CATSPERG: variants seen among roughly 807,000 people sequenced by gnomAD.
CATSPERG encodes the protein cation channel sperm-associated auxiliary subunit gamma.
In CATSPERG, 115 loss-of-function variants were observed where a neutral mutation model predicts 145.0. That is an observed-to-expected ratio of 0.79 (90% confidence interval 0.68 to 0.93). The LOEUF (loss-of-function observed/expected upper bound fraction) is 0.93, where lower values mean the gene tolerates loss of function less well. CATSPERG is among the 40% of genes least tolerant of loss of function. The pLI, the probability that CATSPERG is intolerant of heterozygous loss-of-function variation, is 0.00. For synonymous variants in CATSPERG, 588 were observed against 589.0 expected (o/e 1.00, Z 0.02); for missense variants, 1,296 against 1,490.1 (o/e 0.87, Z 2.14).
At chr19:38,365,027 G>T (rs375436260) in intron 21 of CATSPERG, 34 bp from the exon 22 acceptor site, 2 of 1,613,764 alleles carry the variant, frequency 1.2e-6, no homozygotes, top group East Asian at 4.5e-5. Flanking sequence ...CTGGGCCGGC[G>T]GGGATCACCA....
intron 7 of CATSPERG, among the ~76,000 whole-genome samples, chr19:38,350,991 AAAAC>A (rs966404142): frequency 5.9e-5 from 9 of 152,150 alleles, no homozygotes; most frequent in South Asian, 2.1e-4. Flanking sequence ...CCTATCTCAA[AAAAC>A]AAACAAACAA....
intron 14 of CATSPERG, chr19:38,360,011 T>C: frequency 1.0e-6 from 1 of 985,134 alleles, no homozygotes. Context: ...GGGGACATCT[T>C]GGAGGCTGGA....
chr19:38,360,995 G>A lies in CATSPERG; in HGVS notation c.1880+152G>A, dbSNP rs905398015. 4.4e-6 allele frequency: 3 copies of A among 677,182 alleles called. No individual in the cohort carries two copies. In the Admixed American group the frequency reaches 7.8e-5, roughly 18 times the overall value. 41.9% of individuals were successfully genotyped at this position (677,182 alleles called of 1,614,324 possible). A position where few individuals can be genotyped will look rare whatever the true frequency, so the allele number is the denominator to read the frequency against. ...GTTCAGCACTTATGGAAGCTCAGAG[G>A]AGGAGCCCAACCTAGTGGGGGGAAG... On this transcript the variant is annotated intron_variant, in intron 16 of 28. Coordinates refer to ENST00000409235, the MANE Select transcript of CATSPERG (RefSeq NM_021185.5).
intron 3 of CATSPERG, among the ~76,000 whole-genome samples, chr19:38,338,948 G>C (rs912799733): frequency 6.6e-6 from 1 of 152,032 alleles, no homozygotes; most frequent in Non-Finnish European, 1.5e-5. Context: ...ACACCAGGTC[G>C]GGGGGAGGGG....
At chr19:38,358,812 G>T (rs180966653) in intron 13 of CATSPERG, among the ~76,000 whole-genome samples, 2 of 152,068 alleles carry the variant, frequency 1.3e-5, no homozygotes, top group Admixed American at 1.3e-4. Flanking sequence ...GACCCAGCCT[G>T]TGTGAGCAAT....
In CATSPERG at chr19:38,362,551, C is replaced by T. The variant is rs776771042; in HGVS notation, c.2333C>T (p.Ser778Leu). The change falls in exon 19 of 29, where the codon TCG (serine) becomes TTG (leucine). Residue 778 changes from serine to leucine, a missense_variant. Physicochemically the swap from Ser to Leu is moderately radical, Grantham distance 145. Coordinates refer to ENST00000409235, the MANE Select transcript of CATSPERG (RefSeq NM_021185.5). ...FAIFLSAQGH[S>L]FRTQSELGTA... ...ATCTTCCTGTCGGCGCAGGGCCACTCGTTCCGGACGCAGTCAGAACTCGGT... is the reference window on the plus strand; with the variant it reads ...ATCTTCCTGTCGGCGCAGGGCCACTTGTTCCGGACGCAGTCAGAACTCGGT... The T allele has an allele frequency of 3.7e-6, 6 of 1,613,878 alleles. No individual in the cohort carries two copies. Among genetic ancestry groups the T allele is most frequent in the Non-Finnish European group, 2.5e-6 (3 of 1,180,038 alleles).
chr19:38,367,952 C>A, intron 25 of CATSPERG, 96 bp from the exon 26 acceptor site: 1 of 1,234,294 alleles, frequency 8.1e-7, no homozygotes, highest in Non-Finnish European at 1.2e-6. Flanking sequence ...ATGTCCCCTG[C>A]ACCCACCTGT....
chr19:38,360,681 A>T (rs759996041), intron 15 of CATSPERG, 34 bp downstream of exon 15: 1 of 1,612,932 alleles, frequency 6.2e-7, no homozygotes, highest in Non-Finnish European at 8.5e-7. Context: ...ACATCGGGGC[A>T]CCCCAGGAGG....
intron 3 of CATSPERG, 196 bp downstream of exon 3, chr19:38,337,842 C>T (rs923143019): frequency 1.7e-5 from 8 of 475,754 alleles, no homozygotes; most frequent in Middle Eastern, 5.7e-4. Flanking sequence ...CCTCGGCCTC[C>T]CAAGTAGCTG....
intron 1 of CATSPERG, chr19:38,336,951 C>T (rs1341090911): frequency 5.6e-6 from 3 of 538,226 alleles, no homozygotes; most frequent in Non-Finnish European, 1.0e-5. Context: ...GGGGGCAGGG[C>T]CAGGAGCAAG....
intron 7 of CATSPERG, among the ~76,000 whole-genome samples, chr19:38,349,963 C>T (rs1317617205): frequency 6.6e-6 from 1 of 152,194 alleles, no homozygotes; most frequent in Non-Finnish European, 1.5e-5. Context: ...CCGCACCCGG[C>T]CGTTGCTCAT....
chr19:38,359,653 G>T, intron 14 of CATSPERG, 72 bp downstream of exon 14: 1 of 1,483,518 alleles, frequency 6.7e-7, no homozygotes, highest in Non-Finnish European at 9.0e-7. Context: ...TCTTTCCCCC[G>T]TCACAGTAAA....
At chr19:38,342,042 C>T (rs1041376853) in intron 3 of CATSPERG, among the ~76,000 whole-genome samples, 4 of 149,234 alleles carry the variant, frequency 2.7e-5, no homozygotes, top group African/African-American at 5.0e-5. Context: ...GGCACCACTG[C>T]ACTCCGGACT....
chr19:38,346,308 A>C, intron 6 of CATSPERG, 142 bp from the exon 7 acceptor site: 1 of 667,820 alleles, frequency 1.5e-6, no homozygotes, highest in East Asian at 3.2e-5. Flanking sequence ...GAGGGGGAGA[A>C]TGGTAAGGAA....
rs1969858181 is a variant in CATSPERG at position 38,337,286 on chromosome 19, G to C, written c.52G>C (p.Val18Leu). 1 of 1,551,534 alleles carries C rather than the reference G, an allele frequency of 6.4e-7. No homozygotes were observed. The highest frequency in any genetic ancestry group is 2.4e-5 in the East Asian group (1 of 40,930). Residue 18 changes from valine (V) to leucine (L), a missense_variant, in exon 2 of 29, where the codon GTC becomes CTC. Physicochemically the swap from Val to Leu is conservative, Grantham distance 32 (BLOSUM62 1). Coordinates refer to ENST00000409235, the MANE Select transcript of CATSPERG (RefSeq NM_021185.5). ...PAGPPWPRVR[V>L]VQVLWALLAV... ...CGGTCCTCCGTGGCCCAGAGTCCGAGTCGTGCAGGTGCTGTGGGCCCTGCT... is the reference window on the plus strand; with the variant it reads ...CGGTCCTCCGTGGCCCAGAGTCCGACTCGTGCAGGTGCTGTGGGCCCTGCT...
rs763724054 is a variant in CATSPERG at position 38,356,550 on chromosome 19, A to G, written c.1195+7A>G. On this transcript the variant is annotated splice_region_variant and intron_variant, in intron 10 of 28. Coordinates refer to ENST00000409235, the MANE Select transcript of CATSPERG (RefSeq NM_021185.5). Reference sequence around the variant, plus strand: ...GTGTGCGAGCAGATAGGAGGTACTCATTACCCCGATGGGTCTGCGGTGGGA... The same window carrying G: ...GTGTGCGAGCAGATAGGAGGTACTCGTTACCCCGATGGGTCTGCGGTGGGA... The G allele has an allele frequency of 6.2e-7, 1 of 1,613,280 alleles. No individual in the cohort carries two copies. The highest frequency in any genetic ancestry group is 1.1e-5 in the South Asian group (1 of 91,058).
intron 7 of CATSPERG, among the ~76,000 whole-genome samples, chr19:38,350,375 T>C (rs747591717): frequency 2.0e-5 from 3 of 152,088 alleles, no homozygotes; most frequent in Non-Finnish European, 4.4e-5. Context: ...CTCTGTTTTT[T>C]GTTTGTTTGC....
At chr19:38,345,579 A>G (rs1334227271) in intron 6 of CATSPERG, among the ~76,000 whole-genome samples, 3 of 150,208 alleles carry the variant, frequency 2.0e-5, no homozygotes, top group South Asian at 2.1e-4. Context: ...ATCTCGGCTC[A>G]CCGCAACCTC....
intron 14 of CATSPERG, 48 bp downstream of exon 14, chr19:38,359,629 A>G (rs749361093): frequency 6.4e-7 from 1 of 1,563,406 alleles, no homozygotes; most frequent in East Asian, 2.3e-5. Context: ...CCACCCCCAA[A>G]CCCCAGGGGC....
Sources: allele counts gnomAD v4.1 joint callset (sites outside exome capture counted in the v4.1 genomes callset), GRCh38; gene constraint gnomAD v4.1.1; transcripts MANE v1.5; gene names NCBI Gene and HGNC (gene_info 2026-07-23, HGNC 2026-07-21).